The following KCNB2 variants were observed in gnomAD, a reference collection of about 807,000 sequenced individuals.
KCNB2 encodes the protein delayed rectifier potassium channel protein.
Under a neutral mutation model 61.5 loss-of-function variants are expected in KCNB2, and 15 were observed. That is an observed-to-expected ratio of 0.24 (90% CI 0.16 to 0.38). The LOEUF (loss-of-function observed/expected upper bound fraction) is 0.38, where lower values mean the gene tolerates loss of function less well. Ranked by LOEUF, KCNB2 falls within the 10% of genes least tolerant of loss-of-function variation. The pLI is 1.00. For missense variants in KCNB2, 828 were observed against 1,125.2 expected (o/e 0.74, Z 3.78); for synonymous variants, 457 against 446.0 (o/e 1.02, Z -0.31).
chr8:72,692,724 A>C (rs903158561), intron 2 of KCNB2, among the ~76,000 whole-genome samples: 1 of 150,968 alleles, frequency 6.6e-6, no homozygotes, highest in Non-Finnish European at 1.5e-5. Context: ...TTAATTCCTA[A>C]TTTGGCATTA....
chr8:72,552,907 T>TCTCCTTCCTCTCTTACTGTTTCC (rs1488116625), intron 1 of KCNB2, among the ~76,000 whole-genome samples: 1 of 152,022 alleles, frequency 6.6e-6, no homozygotes, highest in African/African-American at 2.4e-5. Flanking sequence ...TCTTTGTTTC[T>TCTCCTTCCTCTCTTACTGTTTCC]CTCCTTCCTC....
intron 2 of KCNB2, among the ~76,000 whole-genome samples, chr8:72,634,684 A>G (rs150343840): frequency 8.5e-5 from 13 of 152,348 alleles, no homozygotes; most frequent in Non-Finnish European, 1.8e-4. Context: ...ACAACCATGA[A>G]GAATGCCATT....
At position 72,711,533 on chromosome 8, in the gene KCNB2, A is replaced by G. The variant is rs181827045; in HGVS notation, c.579+143220A>G. 2.6e-3 allele frequency among the ~76,000 whole-genome samples: 392 copies of G among 152,308 alleles called. 1 individual carries two copies. Among genetic ancestry groups the G allele is most frequent in the African/African-American group, 7.3e-3 (302 of 41,564 alleles). ...GGAGGGAAACCCTTGCTCATTTTTCAAGATTCACAGGAGGCCTTTTAGAGA... is the reference window on the plus strand; with the variant it reads ...GGAGGGAAACCCTTGCTCATTTTTCGAGATTCACAGGAGGCCTTTTAGAGA... On this transcript the variant is annotated intron_variant, in intron 2 of 2. Transcript: ENST00000523207.
intron 2 of KCNB2, among the ~76,000 whole-genome samples, chr8:72,806,648 T>C (rs1036679685): frequency 6.6e-6 from 1 of 151,786 alleles, no homozygotes; most frequent in African/African-American, 2.4e-5. Flanking sequence ...TAATCAAAGA[T>C]GTAATTGAAT....
intron 2 of KCNB2, among the ~76,000 whole-genome samples, chr8:72,702,310 C>T (rs1465771423): frequency 6.6e-6 from 1 of 152,116 alleles, no homozygotes; most frequent in Non-Finnish European, 1.5e-5. Context: ...TGTCATTTTC[C>T]AGGGAACTCC....
intron 2 of KCNB2, among the ~76,000 whole-genome samples, chr8:72,701,344 A>G (rs1264173165): frequency 6.6e-6 from 1 of 152,222 alleles, no homozygotes; most frequent in Non-Finnish European, 1.5e-5. Flanking sequence ...CATTTTCTTT[A>G]CACTTAATAG....
chr8:72,727,784 G>A (rs1807677326), intron 2 of KCNB2, among the ~76,000 whole-genome samples: 1 of 152,130 alleles, frequency 6.6e-6, no homozygotes, highest in Non-Finnish European at 1.5e-5. Context: ...GAAAAACACA[G>A]AATGTAACAT....
chr8:72,807,360 ATGAGATGCTCT>A (rs1809241983), intron 2 of KCNB2, among the ~76,000 whole-genome samples: 1 of 152,232 alleles, frequency 6.6e-6, no homozygotes, highest in Non-Finnish European at 1.5e-5. Context: ...TGAGAATCAT[ATGAGATGCTCT>A]TGAGTAAGCC....
intron 2 of KCNB2, among the ~76,000 whole-genome samples, chr8:72,624,999 A>T (rs564852962): frequency 6.6e-6 from 1 of 152,316 alleles, no homozygotes; most frequent in East Asian, 1.9e-4. Flanking sequence ...TTAGGAACTG[A>T]ATTCCACCAA....
chr8:72,671,267 A>G (rs1405511523), intron 2 of KCNB2, among the ~76,000 whole-genome samples: 1 of 152,204 alleles, frequency 6.6e-6, no homozygotes, highest in Non-Finnish European at 1.5e-5. Flanking sequence ...ATACCTCAAC[A>G]TGGAAAAATG....
chr8:72,720,183 C>G (rs555662799), intron 2 of KCNB2, among the ~76,000 whole-genome samples: 2 of 152,280 alleles, frequency 1.3e-5, no homozygotes, highest in East Asian at 3.9e-4. Flanking sequence ...AAGTCCCGAT[C>G]TCTCAAGGTA....
chr8:72,715,943 G>A (rs1041249812), intron 2 of KCNB2, among the ~76,000 whole-genome samples: 1 of 151,736 alleles, frequency 6.6e-6, no homozygotes, highest in African/African-American at 2.4e-5. Context: ...AAAGAGAGAA[G>A]AATCAAATAG....
chr8:72,634,537 T>A (rs1165780131), intron 2 of KCNB2, among the ~76,000 whole-genome samples: 2 of 152,210 alleles, frequency 1.3e-5, no homozygotes, highest in African/African-American at 4.8e-5. Context: ...GGTTATTTTT[T>A]TCACACCAAC....
intron 2 of KCNB2, among the ~76,000 whole-genome samples, chr8:72,645,790 C>T (rs2128986024): frequency 6.6e-6 from 1 of 152,272 alleles, no homozygotes; most frequent in South Asian, 2.1e-4. Flanking sequence ...AGTGATTCTC[C>T]TACCTTTACC....
chr8:72,846,110 G>A (rs149509460), intron 2 of KCNB2, among the ~76,000 whole-genome samples: 4,350 of 152,292 alleles, frequency 0.029, 84 homozygotes, highest in South Asian at 0.065. Flanking sequence ...TCTGCGGGTT[G>A]TGAAGACCGT....
At chr8:72,906,918 A>G (rs544254566) in intron 2 of KCNB2, among the ~76,000 whole-genome samples, 30 of 152,318 alleles carry the variant, frequency 2.0e-4, no homozygotes, top group African/African-American at 6.0e-4. Context: ...CATTTCCATT[A>G]ATAGCAGAGA....
chr8:72,866,726 G>C (rs1185151047), intron 2 of KCNB2, among the ~76,000 whole-genome samples: 1 of 152,126 alleles, frequency 6.6e-6, no homozygotes, highest in Non-Finnish European at 1.5e-5. Context: ...ACTGCTATGG[G>C]CACCTCTCAT....
chr8:72,541,577 C>T (rs887426794), intron 1 of KCNB2, among the ~76,000 whole-genome samples: 10 of 152,094 alleles, frequency 6.6e-5, no homozygotes, highest in African/African-American at 2.4e-4. Flanking sequence ...TTATTTGGAA[C>T]TGTATCTTCT....
Position 72,682,809 on chromosome 8 carries a change from G to A in KCNB2, c.579+114496G>A, listed in dbSNP as rs151285029. On this transcript the variant is annotated intron_variant, in intron 2 of 2. Transcript: ENST00000523207. The stretch of plus-strand genomic sequence containing the variant: ...TTTGTAGAGATGGGGGTCTCACTAC[G>A]TTGCCCAGGCTAATCTCAAACTCCT... 6.1e-4 allele frequency among the ~76,000 whole-genome samples: 92 copies of A among 152,060 alleles called. No individual in the cohort carries two copies. In the East Asian group the frequency reaches 8.7e-3, roughly 14 times the overall value.
Sources: gnomAD v4.1 joint callset for allele counts (sites outside exome capture counted in the v4.1 genomes callset) on GRCh38, gnomAD v4.1.1 for gene constraint, MANE v1.5 for transcripts, NCBI Gene and HGNC (gene_info 2026-07-23, HGNC 2026-07-21) for gene names.